Variants in MNAT1 observed in about 807,000 individuals in gnomAD.
The protein encoded by MNAT1 is CDK-activating kinase assembly factor MAT1.
A neutral mutation model predicts 42.0 loss-of-function variants in MNAT1; 43 were observed. The observed-to-expected ratio is 1.02, with a 90% CI of 0.80 to 1.32. The LOEUF is 1.32. MNAT1 is among the 40% of genes most tolerant of loss of function. The pLI, the probability that MNAT1 is intolerant of heterozygous loss-of-function variation, is 0.00. For missense variants in MNAT1, 306 were observed against 350.4 expected, an observed-to-expected ratio of 0.87 and a Z score of 1.01; for synonymous variants, 118 against 120.0, an observed-to-expected ratio of 0.98 and a Z score of 0.11.
intron 6 of MNAT1, among the ~76,000 whole-genome samples, chr14:60,821,998 T>C (rs768933013): frequency 9.9e-5 from 15 of 152,236 alleles, no homozygotes; most frequent in Non-Finnish European, 1.9e-4. Context: ...TTTCCATCAC[T>C]CTATCATATT....
At chr14:60,909,345 A>G (rs1308746717) in intron 7 of MNAT1, among the ~76,000 whole-genome samples, 61 of 152,014 alleles carry the variant, frequency 4.0e-4, no homozygotes, top group African/African-American at 4.8e-5. Context: ...CCATTTGTCA[A>G]TTTTGGCTTT....
intron 6 of MNAT1, among the ~76,000 whole-genome samples, chr14:60,825,153 A>T (rs561081236): frequency 1.2e-4 from 18 of 152,322 alleles, no homozygotes; most frequent in African/African-American, 4.1e-4. Flanking sequence ...AAAATAGGAT[A>T]GCCAATCCTC....
At chr14:60,871,756 G>A (rs2034328479) in intron 6 of MNAT1, among the ~76,000 whole-genome samples, 1 of 151,952 alleles carries the variant, frequency 6.6e-6, no homozygotes, top group African/African-American at 2.4e-5. Context: ...CCGAGTAGCT[G>A]GGATTACAGG....
intron 6 of MNAT1, among the ~76,000 whole-genome samples, chr14:60,821,389 C>T (rs2032886197): frequency 2.6e-5 from 4 of 151,984 alleles, no homozygotes; most frequent in Admixed American, 2.6e-4. Context: ...TTCTGTGTAC[C>T]TAGAATGATG....
At chr14:60,738,628 C>T (rs150425879) in intron 1 of MNAT1, among the ~76,000 whole-genome samples, 1,720 of 152,038 alleles carry the variant, frequency 0.011, 20 homozygotes, top group Non-Finnish European at 0.02. Flanking sequence ...CTCTGCCTCC[C>T]GGGTTCAAGC....
In MNAT1 at chr14:60,839,730, C is replaced by T. The variant is rs564931497; in HGVS notation, c.687+20883C>T. Among the ~76,000 whole-genome samples, 301 of 152,326 alleles carry T rather than the reference C, an allele frequency of 2.0e-3. 3 individuals carry two copies. The highest frequency in any genetic ancestry group is 1.3e-3 in the Non-Finnish European group (90 of 68,026). The stretch of plus-strand genomic sequence containing the variant: ...TGTCACCATGTTCCTCTTGTCCAGA[C>T]GTGGGTGCCTGCAGTGGAAGCCACT... On this transcript the variant is annotated intron_variant, in intron 6 of 7. Transcript: ENST00000261245.
chr14:60,911,265 CA>C (rs1166650006), intron 7 of MNAT1, among the ~76,000 whole-genome samples: 2 of 152,144 alleles, frequency 1.3e-5, no homozygotes, highest in East Asian at 3.9e-4. Flanking sequence ...TTGATCTTTT[CA>C]AAAAACCAGC....
intron 6 of MNAT1, among the ~76,000 whole-genome samples, chr14:60,868,897 A>T (rs1487586516): frequency 9.2e-5 from 14 of 151,966 alleles, no homozygotes; most frequent in Admixed American, 9.2e-4. Flanking sequence ...CTATGTAACA[A>T]AATTCCAATT....
At chr14:60,776,427 T>C (rs151317544) in intron 1 of MNAT1, among the ~76,000 whole-genome samples, 348 of 152,200 alleles carry the variant, frequency 2.3e-3, no homozygotes, top group Non-Finnish European at 3.0e-3. Flanking sequence ...CAAGAGATCA[T>C]TGGAGTGAGG....
At chr14:60,910,848 T>C (rs958827882) in intron 7 of MNAT1, among the ~76,000 whole-genome samples, 2 of 152,216 alleles carry the variant, frequency 1.3e-5, no homozygotes, top group Non-Finnish European at 2.9e-5. Context: ...TACAATGCAT[T>C]AGGGAGGATT....
At chr14:60,851,613 C>T (rs576558202) in intron 6 of MNAT1, among the ~76,000 whole-genome samples, 2 of 152,092 alleles carry the variant, frequency 1.3e-5, no homozygotes, top group Non-Finnish European at 2.9e-5. Flanking sequence ...ACACATGTGC[C>T]GTGGTGGTTT....
At chr14:60,899,727 A>G (rs1363060239) in intron 7 of MNAT1, among the ~76,000 whole-genome samples, 1 of 152,226 alleles carries the variant, frequency 6.6e-6, no homozygotes, top group East Asian at 1.9e-4. Flanking sequence ...TCTTGAAGAA[A>G]TAGAATAGGG....
At chr14:60,759,113 A>G (rs1178243962) in intron 1 of MNAT1, among the ~76,000 whole-genome samples, 2 of 152,198 alleles carry the variant, frequency 1.3e-5, no homozygotes, top group South Asian at 2.1e-4. Context: ...AAACTAGAGC[A>G]GTCTCCATTT....
chr14:60,842,282 G>T (rs2033572748), intron 6 of MNAT1, among the ~76,000 whole-genome samples: 1 of 152,152 alleles, frequency 6.6e-6, no homozygotes, highest in African/African-American at 2.4e-5. Flanking sequence ...CCACTTTAGA[G>T]TTTTTTCTCT....
chr14:60,775,350 A>G (rs1283849967), intron 1 of MNAT1, among the ~76,000 whole-genome samples: 1 of 152,212 alleles, frequency 6.6e-6, no homozygotes, highest in Non-Finnish European at 1.5e-5. Context: ...TTCAGTGGAA[A>G]GTCAGGAATA....
chr14:60,750,979 C>A (rs960010695), intron 1 of MNAT1, among the ~76,000 whole-genome samples: 6 of 152,088 alleles, frequency 3.9e-5, no homozygotes, highest in South Asian at 2.1e-4. Context: ...GTACAGCTTA[C>A]AAAATGCTAT....
rs771517166 is a variant in MNAT1, at chr14:60,780,288, TTGAG to T, written c.90-15926_90-15923del. On this transcript the variant is annotated intron_variant, in intron 1 of 7. Transcript: ENST00000261245. ...GTCCTGGAAAGATGACAGTTTGATATTGAGTGTGATAAGACTGCAAAAGATGACA... is the reference window on the plus strand; with the variant it reads ...GTCCTGGAAAGATGACAGTTTGATATTGTGATAAGACTGCAAAAGATGACA... 4.0e-4 allele frequency: 591 copies of T among 1,466,546 alleles called. 1 individual carries two copies. Among genetic ancestry groups the T allele is most frequent in the Non-Finnish European group, 5.3e-4 (556 of 1,045,460 alleles). 90.8% of individuals were successfully genotyped at this position (1,466,546 alleles called of 1,614,324 possible). A position where few individuals can be genotyped will look rare whatever the true frequency, so the allele number is the denominator to read the frequency against.
chr14:60,904,737 A>G (rs1383518047), intron 7 of MNAT1, among the ~76,000 whole-genome samples: 1 of 152,136 alleles, frequency 6.6e-6, no homozygotes, highest in Non-Finnish European at 1.5e-5. Context: ...AATTAATCTC[A>G]GAAAGAAAGC....
chr14:60,854,118 G>A (rs1161380371), intron 6 of MNAT1, among the ~76,000 whole-genome samples: 2 of 152,090 alleles, frequency 1.3e-5, no homozygotes, highest in African/African-American at 4.8e-5. Context: ...TATGCTTCAC[G>A]AAGTTCTCGT....
Sources: allele counts gnomAD v4.1 joint callset (sites outside exome capture counted in the v4.1 genomes callset), GRCh38; gene constraint gnomAD v4.1.1; transcripts MANE v1.5; gene names NCBI Gene and HGNC (gene_info 2026-07-23, HGNC 2026-07-21).